TGDS: variants seen among roughly 807,000 people sequenced by gnomAD.
TGDS encodes the protein TDP-glucose 4,6-dehydratase.
Under a neutral mutation model 52.3 loss-of-function variants are expected in TGDS, and 47 were observed. The observed-to-expected ratio is 0.90, with a 90% CI of 0.71 to 1.15. TGDS has a LOEUF of 1.15. Ranked by LOEUF, TGDS falls within the 50% of genes most tolerant of loss-of-function variation. TGDS has a pLI of 0.00. For synonymous variants in TGDS, 115 were observed against 136.9 expected (o/e 0.84, Z 1.12); for missense variants, 375 against 418.4 (o/e 0.90, Z 0.90).
intron 3 of TGDS, among the ~76,000 whole-genome samples, 184 bp from the exon 4 acceptor site, chr13:94,591,127 A>G (rs1889187399): frequency 6.6e-6 from 1 of 152,186 alleles, no homozygotes; most frequent in South Asian, 2.1e-4. Context: ...AGGATATTAG[A>G]TATTCAATTC....
upstream of TGDS, chr13:94,596,156 T>C (rs200480553): frequency 8.7e-5 from 141 of 1,612,270 alleles, no homozygotes; most frequent in East Asian, 2.9e-3. Flanking sequence ...CAGCAGTGCC[T>C]AGTACCGTAA....
At chr13:94,583,974 C>T (rs1321561774) in intron 4 of TGDS, among the ~76,000 whole-genome samples, 2 of 152,066 alleles carry the variant, frequency 1.3e-5, no homozygotes, top group Non-Finnish European at 2.9e-5. Context: ...GTAAGAAAAA[C>T]CCAAATTAAA....
chr13:94,588,871 T>A (rs921999530), intron 4 of TGDS, among the ~76,000 whole-genome samples: 1 of 152,182 alleles, frequency 6.6e-6, no homozygotes, highest in East Asian at 1.9e-4. Context: ...AAAATAAACT[T>A]GATATGACGG....
chr13:94,586,542 A>G (rs150103957), intron 4 of TGDS, among the ~76,000 whole-genome samples: 1,619 of 152,310 alleles, frequency 0.011, 27 homozygotes, highest in African/African-American at 0.037. Context: ...GCAAGTTAAC[A>G]TTCTTTTCAA....
intron 4 of TGDS, among the ~76,000 whole-genome samples, chr13:94,583,470 G>T (rs1211875456): frequency 1.3e-5 from 2 of 152,016 alleles, no homozygotes. Context: ...TTGCAGGAAA[G>T]TTTTTTATTC....
chr13:94,581,319 T>A (rs964865751), intron 5 of TGDS, 130 bp from the exon 6 acceptor site: 4 of 544,844 alleles, frequency 7.3e-6, no homozygotes, highest in African/African-American at 1.9e-5. Context: ...ATGTGCCTGG[T>A]GTTTTCCCAA....
chr13:94,574,954 C>A (rs1888545874), intron 11 of TGDS, 102 bp from the exon 12 acceptor site: 1 of 658,692 alleles, frequency 1.5e-6, no homozygotes, highest in African/African-American at 1.8e-5. Flanking sequence ...AAGTCTTGCC[C>A]ATCAGCTAAG....
chr13:94,582,527 GA>G (rs1888833682), intron 5 of TGDS, among the ~76,000 whole-genome samples: 1 of 152,218 alleles, frequency 6.6e-6, no homozygotes, highest in African/African-American at 2.4e-5. Context: ...GGAGACAATA[GA>G]ATAATATTCT....
At chr13:94,579,722 C>CT (rs1367684357) in intron 7 of TGDS, 172 bp downstream of exon 7, 2 of 480,418 alleles carry the variant, frequency 4.2e-6, no homozygotes, top group Non-Finnish European at 7.3e-6. Flanking sequence ...ACTTAAAACT[C>CT]AAGTTTTCAA....
At chr13:94,595,329 T>C (rs1317117618) in intron 1 of TGDS, among the ~76,000 whole-genome samples, 2 of 152,196 alleles carry the variant, frequency 1.3e-5, no homozygotes, top group Non-Finnish European at 2.9e-5. Context: ...AGTTTGGGCT[T>C]TATTCTTAAG....
At position 94,578,157 on chromosome 13, in the gene TGDS, A is replaced by G. The variant is rs1888666464; in HGVS notation, c.673T>C (p.Ser225Pro). Residue 225 changes from serine (S) to proline (P), a missense_variant, in exon 9 of 12, where the codon TCA (serine) becomes CCA (proline). By Grantham distance (74) the Ser-to-Pro change is moderately conservative. Coordinates refer to ENST00000261296, the MANE Select transcript of TGDS (RefSeq NM_014305.4). ...AGGAAGTTTCTTGTTTGAAGCCCTGACCCATGAATGCAACTAAAGAGATTA... is the reference window on the plus strand; with the variant it reads ...AGGAAGTTTCTTGTTTGAAGCCCTGGCCCATGAATGCAACTAAAGAGATTA... The part of the protein sequence containing the change: ...QHNRKCCIHG[S>P]GLQTRNFLYA... The G allele has an allele frequency of 6.2e-7, 1 of 1,613,696 alleles. No homozygotes were observed. The highest frequency in any genetic ancestry group is 8.5e-7 in the Non-Finnish European group (1 of 1,179,794).
At position 94,583,009 on chromosome 13, in the gene TGDS, G is replaced by C. The variant is rs529489127; in HGVS notation, c.456+85C>G. 18 of 1,420,494 alleles carry C rather than the reference G, an allele frequency of 1.3e-5. No homozygotes were observed. In the South Asian group the frequency reaches 2.2e-4, roughly 18 times the overall value. The allele number at this position is 1,420,494 out of a possible 1,614,324, so 88.0% of individuals were successfully genotyped here. A position where few individuals can be genotyped will look rare whatever the true frequency, so the allele number is the denominator to read the frequency against. The stretch of plus-strand genomic sequence containing the variant: ...AGTGCCACAAGTGTATATAATTTGA[G>C]GATGAAAAAAGCCCAGTGTAGGTTT... On this transcript the variant is annotated intron_variant, in intron 5 of 11. Transcript: ENST00000261296.
At chr13:94,583,618 A>G (rs1888878223) in intron 4 of TGDS, among the ~76,000 whole-genome samples, 1 of 152,210 alleles carries the variant, frequency 6.6e-6, no homozygotes, top group African/African-American at 2.4e-5. Context: ...TGAGTTATTT[A>G]AACATAAATT....
chr13:94,578,161 A>G lies in TGDS; in HGVS notation c.669T>C (p.His223=), dbSNP rs747712600. 3 of 1,613,602 alleles carry G rather than the reference A, an allele frequency of 1.9e-6. No individual in the cohort carries two copies. In the East Asian group the frequency reaches 6.7e-5, roughly 36 times the overall value. ...AGTTTCTTGTTTGAAGCCCTGACCC[A>G]TGAATGCAACTAAAGAGATTAAACG... ...LLQHNRKCCI[H]GSGLQTRNFL... The change falls in exon 9 of 12, where the codon CAT becomes CAC. Residue 223 remains histidine, a synonymous_variant. Transcript: ENST00000261296.
intron 9 of TGDS, 107 bp from the exon 10 acceptor site, chr13:94,577,536 A>G: frequency 1.2e-6 from 1 of 806,758 alleles, no homozygotes; most frequent in Non-Finnish European, 1.9e-6. Context: ...CATAGCAGGG[A>G]AGACAGCTAA....
At chr13:94,578,238 GTAC>G (rs1888670178) in intron 8 of TGDS, 68 bp from the exon 9 acceptor site, 6 of 1,421,496 alleles carry the variant, frequency 4.2e-6, no homozygotes, top group Middle Eastern at 2.1e-4. Context: ...CATTGACTGG[GTAC>G]TACAACTCCA....
In TGDS at chr13:94,574,623, C is replaced by G. The variant is rs890869780; in HGVS notation, c.*159G>C. 2.9e-4 allele frequency: 160 copies of G among 544,550 alleles called. 1 individual carries two copies. Among genetic ancestry groups the G allele is most frequent in the Middle Eastern group, 9.7e-4 (3 of 3,096 alleles). The allele number at this position is 544,550 out of a possible 1,614,324, so 33.7% of individuals were successfully genotyped here. ...TTCTATGCCAGTACTGAAACTCTCC[C>G]AAAGATTGAGGCATTCTGCATTTGA... On this transcript the variant is annotated 3_prime_UTR_variant, in exon 12 of 12. Transcript: ENST00000261296.
Position 94,588,421 on chromosome 13 carries a change from C to CAAAAA in TGDS, c.313+2427_313+2431dup, listed in dbSNP as rs150186125. 2.1e-3 allele frequency among the ~76,000 whole-genome samples: 120 copies of CAAAAA among 58,494 alleles called. 1 individual carries two copies. The highest frequency in any genetic ancestry group is 4.0e-3 in the African/African-American group (58 of 14,396). 38.4% of individuals were successfully genotyped at this position (58,494 alleles called of 152,430 possible). A position where few individuals can be genotyped will look rare whatever the true frequency, so the allele number is the denominator to read the frequency against. On this transcript the variant is annotated intron_variant, in intron 4 of 11. Transcript: ENST00000261296. ...CTGGGCAATCAGCGAGACTCTGTCTCAAAAAAAAAAAAAAAAAAAAAAAAA... is the reference window on the plus strand; with the variant it reads ...CTGGGCAATCAGCGAGACTCTGTCTCAAAAAAAAAAAAAAAAAAAAAAAAAAAAAA...
At chr13:94,576,539 T>G (rs1888608629) in intron 10 of TGDS, 128 bp from the exon 11 acceptor site, 5 of 519,736 alleles carry the variant, frequency 9.6e-6, no homozygotes, top group African/African-American at 2.0e-5. Flanking sequence ...TCCCAATAGG[T>G]TTTCTGCAGA....
Sources: allele counts gnomAD v4.1 joint callset (sites outside exome capture counted in the v4.1 genomes callset), GRCh38; gene constraint gnomAD v4.1.1; transcripts MANE v1.5; gene names NCBI Gene and HGNC (gene_info 2026-07-23, HGNC 2026-07-21).